The following SLC12A8 variants were observed in gnomAD, a reference collection of about 807,000 sequenced individuals.
The protein encoded by SLC12A8 is cation-chloride cotransporter 9.
In SLC12A8, 69 loss-of-function variants were observed where a neutral mutation model predicts 75.6. That is an observed-to-expected ratio of 0.91 (90% CI 0.75 to 1.11). SLC12A8 has a LOEUF of 1.11. SLC12A8 is among the 50% of genes most tolerant of loss of function. The pLI, the probability that SLC12A8 is intolerant of heterozygous loss-of-function variation, is 0.00. For missense variants in SLC12A8, 877 were observed against 896.7 expected (o/e 0.98, Z 0.28); for synonymous variants, 365 against 372.8 (o/e 0.98, Z 0.24).
chr3:125,121,679 A>C (rs1273939894), intron 6 of SLC12A8, among the ~76,000 whole-genome samples: 1 of 152,242 alleles, frequency 6.6e-6, no homozygotes, highest in Non-Finnish European at 1.5e-5. Context: ...GGTTAATTAA[A>C]ACAGCCTAAG....
At chr3:125,091,639 CAA>C in intron 11 of SLC12A8, 83 bp from the exon 12 acceptor site, 1 of 874,236 alleles carries the variant, frequency 1.1e-6, no homozygotes, top group Non-Finnish European at 1.9e-6. Flanking sequence ...TCTTCAGCAA[CAA>C]CATTCCCTCT....
rs1341687975 is a variant in SLC12A8, at chr3:125,164,992, CT to C, written c.622+12750del. 7.2e-5 allele frequency among the ~76,000 whole-genome samples: 11 copies of C among 152,340 alleles called. 1 individual carries two copies. The highest frequency in any genetic ancestry group is 2.4e-4 in the African/African-American group (10 of 41,580). On this transcript the variant is annotated intron_variant, in intron 5 of 13. Coordinates refer to ENST00000469902, the MANE Select transcript of SLC12A8 (RefSeq NM_024628.6). ...CCACTTAAACCGCTCATCAGCTATT[CT>C]GAGACTTTCTTCCTCTCTGCTGGGC...
chr3:125,097,840 G>T (rs1382912490), intron 10 of SLC12A8, among the ~76,000 whole-genome samples: 1 of 151,934 alleles, frequency 6.6e-6, no homozygotes, highest in Non-Finnish European at 1.5e-5. Flanking sequence ...AGAGGGGCAG[G>T]GGACAGCTTC....
chr3:125,198,673 G>A (rs990971579), intron 2 of SLC12A8, among the ~76,000 whole-genome samples: 2 of 152,072 alleles, frequency 1.3e-5, no homozygotes, highest in Admixed American at 6.6e-5. Flanking sequence ...TAAGGGTCAT[G>A]TATGATCCTG....
intron 2 of SLC12A8, among the ~76,000 whole-genome samples, chr3:125,191,653 GCT>G (rs1934911280): frequency 6.6e-6 from 1 of 152,260 alleles, no homozygotes; most frequent in African/African-American, 2.4e-5. Flanking sequence ...CTCCTGAATG[GCT>G]GAGAACAATG....
intron 8 of SLC12A8, among the ~76,000 whole-genome samples, chr3:125,115,492 C>T (rs1939287173): frequency 6.6e-6 from 1 of 151,512 alleles, no homozygotes; most frequent in Non-Finnish European, 1.5e-5. Flanking sequence ...CATTGCACTC[C>T]AGCTTGGGCA....
chr3:125,161,325 TAACA>T (rs1934162383), intron 5 of SLC12A8, among the ~76,000 whole-genome samples: 1 of 152,252 alleles, frequency 6.6e-6, no homozygotes. Flanking sequence ...GTATCTTTCT[TAACA>T]AATAGAAATC....
chr3:125,202,551 G>A (rs1683468060), intron 2 of SLC12A8, among the ~76,000 whole-genome samples: 1 of 151,872 alleles, frequency 6.6e-6, no homozygotes. Flanking sequence ...GACCATGGAT[G>A]AAATTTACCT....
intron 5 of SLC12A8, among the ~76,000 whole-genome samples, chr3:125,162,854 T>C (rs1266075422): frequency 6.6e-6 from 1 of 151,954 alleles, no homozygotes; most frequent in East Asian, 1.9e-4. Flanking sequence ...CAGAAACCCC[T>C]ATCCAGTAGC....
chr3:125,106,630 C>T lies in SLC12A8; in HGVS notation c.1705+851G>A, dbSNP rs151209797. ...ATGTTGGTCAGGCTGGGATTATAGACGTGAGCCACCGCGCCCGGCCAAAAC... is the reference window on the plus strand; with the variant it reads ...ATGTTGGTCAGGCTGGGATTATAGATGTGAGCCACCGCGCCCGGCCAAAAC... On this transcript the variant is annotated intron_variant, in intron 10 of 13. Coordinates refer to ENST00000469902, the MANE Select transcript of SLC12A8 (RefSeq NM_024628.6). Among the ~76,000 whole-genome samples the T allele has an allele frequency of 4.9e-3, 752 of 152,304 alleles. 8 individuals are homozygous for T. Among genetic ancestry groups the T allele is most frequent in the Non-Finnish European group, 5.7e-3 (389 of 68,026 alleles).
chr3:125,118,973 C>G (rs1467910845), intron 7 of SLC12A8, 117 bp from the exon 8 acceptor site: 1 of 684,312 alleles, frequency 1.5e-6, no homozygotes, highest in African/African-American at 1.8e-5. Context: ...GAGAGAAAGG[C>G]CAGTCATGAA....
chr3:125,085,522 G>A (rs1449699396), intron 13 of SLC12A8, among the ~76,000 whole-genome samples: 12 of 152,092 alleles, frequency 7.9e-5, no homozygotes. Flanking sequence ...GGACTGGGAG[G>A]GGAACTCAAA....
intron 10 of SLC12A8, among the ~76,000 whole-genome samples, chr3:125,099,440 C>T (rs1433694850): frequency 2.0e-5 from 3 of 152,128 alleles, no homozygotes; most frequent in East Asian, 3.8e-4. Flanking sequence ...AAACTGTGAT[C>T]CATGCTCAGG....
intron 3 of SLC12A8, 118 bp downstream of exon 3, chr3:125,190,257 G>A (rs768565384): frequency 5.7e-5 from 63 of 1,113,216 alleles, no homozygotes; most frequent in African/African-American, 1.4e-4. Flanking sequence ...CTTCTGTTTC[G>A]TGTTTCAGGA....
At chr3:125,208,783 C>G (rs993743995) in intron 2 of SLC12A8, among the ~76,000 whole-genome samples, 1,306 of 110,410 alleles carry the variant, frequency 0.012, 7 homozygotes, top group African/African-American at 0.029. Flanking sequence ...CACACACACA[C>G]ACACACACAG....
At chr3:125,165,571 G>A (rs1244908637) in intron 5 of SLC12A8, among the ~76,000 whole-genome samples, 1 of 152,200 alleles carries the variant, frequency 6.6e-6, no homozygotes, top group Non-Finnish European at 1.5e-5. Context: ...ATCTCAGGAG[G>A]ATAACAGAGC....
intron 9 of SLC12A8, 36 bp downstream of exon 9, chr3:125,110,153 T>C: frequency 1.9e-6 from 3 of 1,592,348 alleles, no homozygotes; most frequent in Non-Finnish European, 2.6e-6. Context: ...GCAAAACATG[T>C]TTCAAAAAAC....
chr3:125,100,711 T>C (rs990352729), intron 10 of SLC12A8, among the ~76,000 whole-genome samples: 1 of 149,232 alleles, frequency 6.7e-6, no homozygotes, highest in Non-Finnish European at 1.5e-5. Context: ...CCCAGCTTAA[T>C]GCTATCTTAA....
intron 8 of SLC12A8, among the ~76,000 whole-genome samples, chr3:125,117,464 T>A (rs1040397346): frequency 6.9e-6 from 1 of 145,048 alleles, no homozygotes; most frequent in African/African-American, 2.5e-5. Flanking sequence ...GGTGTGGTGG[T>A]GCATGTCTGT....
Sources: allele counts gnomAD v4.1 joint callset (sites outside exome capture counted in the v4.1 genomes callset), GRCh38; gene constraint gnomAD v4.1.1; transcripts MANE v1.5; gene names NCBI Gene and HGNC (gene_info 2026-07-23, HGNC 2026-07-21).